The following NAE1 variants were observed in gnomAD, a reference collection of about 807,000 sequenced individuals.
The protein encoded by NAE1 is NEDD8-activating enzyme E1 regulatory subunit.
In NAE1, 59 loss-of-function variants were observed where a neutral mutation model predicts 88.0. That is an observed-to-expected ratio of 0.67 (90% confidence interval 0.54 to 0.83). NAE1 has a LOEUF of 0.83. NAE1 is among the 40% of genes least tolerant of loss of function. NAE1 has a pLI of 0.00. For synonymous variants in NAE1, 186 were observed against 208.9 expected, an observed-to-expected ratio of 0.89 and a Z score of 0.95; for missense variants, 554 against 632.8, an observed-to-expected ratio of 0.88 and a Z score of 1.34.
chr16:66,805,758 T>C lies in NAE1; in HGVS notation c.1495+19A>G. ...GTACTATGTAACAACAGGTGAGTCT[T>C]CTCATATATGGAACTCACCCCCCAA... On this transcript the variant is annotated intron_variant, in intron 19 of 19. Transcript: ENST00000290810. The C allele has an allele frequency of 6.9e-7, 1 of 1,451,744 alleles. No homozygotes were observed. Among genetic ancestry groups the C allele is most frequent in the Non-Finnish European group, 9.1e-7 (1 of 1,102,714 alleles). The allele number at this position is 1,451,744 out of a possible 1,614,324, so 89.9% of individuals were successfully genotyped here.
chr16:66,822,816 T>C (rs1334671739), intron 6 of NAE1, among the ~76,000 whole-genome samples: 1 of 150,004 alleles, frequency 6.7e-6, no homozygotes, highest in East Asian at 2.0e-4. Flanking sequence ...ACTATAGGCG[T>C]GAGCCACCAC....
intron 16 of NAE1, 65 bp downstream of exon 16, chr16:66,808,923 CA>C: frequency 8.9e-7 from 1 of 1,119,568 alleles, no homozygotes; most frequent in Non-Finnish European, 1.3e-6. Context: ...CACTATTATA[CA>C]CAAAATATTT....
At chr16:66,815,712 A>G (rs1960014254) in intron 11 of NAE1, among the ~76,000 whole-genome samples, 1 of 146,158 alleles carries the variant, frequency 6.8e-6, no homozygotes, top group Non-Finnish European at 1.5e-5. Context: ...CCCAGGCTGG[A>G]GTACACTGAT....
chr16:66,806,170 T>G (rs1252539349), intron 17 of NAE1, 144 bp from the exon 18 acceptor site: 1 of 955,730 alleles, frequency 1.0e-6, no homozygotes, highest in Non-Finnish European at 1.5e-6. Context: ...GACCAATATT[T>G]GCACATATCA....
chr16:66,819,412 T>C (rs1960166429), intron 7 of NAE1, among the ~76,000 whole-genome samples: 1 of 152,232 alleles, frequency 6.6e-6, no homozygotes, highest in African/African-American at 2.4e-5. Flanking sequence ...CAGGAGAGTG[T>C]ATAATTTCAG....
At chr16:66,818,102 A>C (rs1030908603) in intron 8 of NAE1, among the ~76,000 whole-genome samples, 1 of 152,178 alleles carries the variant, frequency 6.6e-6, no homozygotes. Flanking sequence ...TTTATCCTTT[A>C]TGTTACAAAT....
intron 17 of NAE1, 51 bp downstream of exon 17, chr16:66,808,470 A>G (rs779751094): frequency 1.3e-5 from 16 of 1,194,880 alleles, no homozygotes; most frequent in Non-Finnish European, 1.9e-5. Context: ...TTCAATTTAA[A>G]TGTTTTATTG....
chr16:66,808,784 A>G (rs1959672945), intron 16 of NAE1, 171 bp from the exon 17 acceptor site: 1 of 627,500 alleles, frequency 1.6e-6, no homozygotes, highest in Non-Finnish European at 2.7e-6. Context: ...CAATGGACTC[A>G]GTGACCTAAA....
At chr16:66,823,389 T>G (rs1960344256) in intron 5 of NAE1, 83 bp from the exon 6 acceptor site, 5 of 1,353,202 alleles carry the variant, frequency 3.7e-6, no homozygotes, top group African/African-American at 1.5e-5. Context: ...AGTTAAGCTA[T>G]TTTACAACAA....
chr16:66,811,248 C>A (rs1388715066), intron 13 of NAE1, among the ~76,000 whole-genome samples: 1 of 152,162 alleles, frequency 6.6e-6, no homozygotes, highest in Admixed American at 6.5e-5. Context: ...GCCTCAACTT[C>A]CCACGCTCAA....
intron 17 of NAE1, among the ~76,000 whole-genome samples, chr16:66,806,644 C>T: frequency 6.6e-6 from 1 of 152,076 alleles, no homozygotes; most frequent in Non-Finnish European, 1.5e-5. Context: ...AACTCCTGGC[C>T]TCAAGTGATC....
In NAE1 at chr16:66,809,358, G is replaced by A. The variant is rs190616305; in HGVS notation, c.1151-283C>T. 7.2e-5 allele frequency among the ~76,000 whole-genome samples: 11 copies of A among 152,262 alleles called. No homozygotes were observed. In the East Asian group the frequency reaches 1.9e-3, roughly 27 times the overall value. ...TGGGGATGATACTGTTTACCTTTGAGAATTGTTCTACAGATTAAATGTGAC... is the reference window on the plus strand; with the variant it reads ...TGGGGATGATACTGTTTACCTTTGAAAATTGTTCTACAGATTAAATGTGAC... On this transcript the variant is annotated intron_variant, in intron 15 of 19. Transcript: ENST00000290810.
At chr16:66,811,251 A>T (rs1185594056) in intron 13 of NAE1, among the ~76,000 whole-genome samples, 3 of 152,016 alleles carry the variant, frequency 2.0e-5, no homozygotes, top group Non-Finnish European at 4.4e-5. Context: ...TCAACTTCCC[A>T]CGCTCAACTG....
At chr16:66,823,669 G>A (rs1960354712) in intron 4 of NAE1, 69 bp from the exon 5 acceptor site, 1 of 1,236,938 alleles carries the variant, frequency 8.1e-7, no homozygotes, top group Non-Finnish European at 1.1e-6. Flanking sequence ...CCCAATTTAT[G>A]GAACAGGCAA....
chr16:66,813,731 C>T (rs139606595), intron 12 of NAE1, 34 bp from the exon 13 acceptor site: 55 of 1,609,844 alleles, frequency 3.4e-5, no homozygotes, highest in South Asian at 3.3e-4. Context: ...CATTAAGTGG[C>T]GTTTTACTTT....
rs1484016424 is a variant in NAE1, at chr16:66,808,596, G to T, written c.1255C>A (p.Pro419Thr). The T allele has an allele frequency of 1.2e-6, 2 of 1,604,420 alleles. No individual in the cohort carries two copies. The highest frequency in any genetic ancestry group is 8.5e-7 in the Non-Finnish European group (1 of 1,175,190). ...AAGTACAACACTATTTCATTATCTG[G>T]ATTGTCCATGCTAGAAACTGAAAGG... is the stretch of plus-strand genomic sequence containing the variant. ...KDEIISSMDN[P>T]DNEIVLYLML... is the part of the protein sequence containing the mutation. The change falls in exon 17 of 20, where the codon CCA (proline) becomes ACA (threonine). Residue 419 changes from proline to threonine, a missense_variant. Pro to Thr is a conservative substitution (Grantham distance 38). Coordinates refer to ENST00000290810, the MANE Select transcript of NAE1 (RefSeq NM_003905.4).
At chr16:66,808,012 T>A (rs1380969594) in intron 17 of NAE1, among the ~76,000 whole-genome samples, 1 of 151,912 alleles carries the variant, frequency 6.6e-6, no homozygotes, top group African/African-American at 2.4e-5. Context: ...CAGGTGATCC[T>A]CCCGAGTAGC....
Position 66,810,433 on chromosome 16 carries a change from G to T in NAE1, c.1111-20C>A. On this transcript the variant is annotated intron_variant, in intron 14 of 19. Transcript: ENST00000290810. Reference sequence around the variant, plus strand: ...TGGTGCCTGTAAAGAGATAAATACAGATTCTGTTCCAGTTTAAAAGAGAAG... The same window carrying T: ...TGGTGCCTGTAAAGAGATAAATACATATTCTGTTCCAGTTTAAAAGAGAAG... 1 of 1,589,316 alleles carries T rather than the reference G, an allele frequency of 6.3e-7. No homozygotes were observed. The highest frequency in any genetic ancestry group is 8.6e-7 in the Non-Finnish European group (1 of 1,162,476).
At chr16:66,823,904 T>TA (rs1213110529) in intron 4 of NAE1, among the ~76,000 whole-genome samples, 1 of 152,056 alleles carries the variant, frequency 6.6e-6, no homozygotes, top group Non-Finnish European at 1.5e-5. Flanking sequence ...GCTAATTTTT[T>TA]AAAAAAATAT....
Sources: gnomAD v4.1 joint callset for allele counts (sites outside exome capture counted in the v4.1 genomes callset) on GRCh38, gnomAD v4.1.1 for gene constraint, MANE v1.5 for transcripts, NCBI Gene and HGNC (gene_info 2026-07-23, HGNC 2026-07-21) for gene names.